TMEM163: variants seen among roughly 807,000 people sequenced by gnomAD.
TMEM163 encodes the protein transmembrane protein 163.
TMEM163 carries 17 observed loss-of-function variants against 29.3 expected under a neutral mutation model. That is an observed-to-expected ratio of 0.58 (90% CI 0.40 to 0.87). The LOEUF is 0.87. Ranked by LOEUF, TMEM163 falls within the 40% of genes least tolerant of loss-of-function variation. The probability of loss-of-function intolerance (pLI) is 0.00; values close to 1 mark genes in which losing one functional copy is unlikely to be tolerated. For synonymous variants in TMEM163, 157 were observed against 160.6 expected (o/e 0.98, Z 0.17); for missense variants, 303 against 381.5 (o/e 0.79, Z 1.71).
chr2:134,634,015 ATATAT>A (rs1683046512), intron 2 of TMEM163, among the ~76,000 whole-genome samples: 9 of 33,158 alleles, frequency 2.7e-4, no homozygotes, highest in African/African-American at 8.3e-4. Flanking sequence ...ATATATATAT[ATATAT>A]AATAGGACTG....
At chr2:134,493,786 T>C (rs1415976641) in intron 5 of TMEM163, among the ~76,000 whole-genome samples, 1 of 152,222 alleles carries the variant, frequency 6.6e-6, no homozygotes, top group African/African-American at 2.4e-5. Flanking sequence ...TTATGATCCA[T>C]TTTGAGTTAG....
chr2:134,579,367 A>C (rs1002466093), intron 2 of TMEM163, among the ~76,000 whole-genome samples: 3 of 152,234 alleles, frequency 2.0e-5, no homozygotes, highest in Non-Finnish European at 2.9e-5. Context: ...ATCCATCTAC[A>C]AGTATAACTC....
chr2:134,482,886 C>T (rs558929498), intron 5 of TMEM163, among the ~76,000 whole-genome samples: 2 of 152,250 alleles, frequency 1.3e-5, no homozygotes, highest in South Asian at 4.2e-4. Context: ...ACATCAGGTT[C>T]GTCGGTGGGC....
intron 2 of TMEM163, among the ~76,000 whole-genome samples, chr2:134,610,360 C>T (rs1682475911): frequency 1.3e-5 from 2 of 152,208 alleles, no homozygotes; most frequent in South Asian, 4.1e-4. Flanking sequence ...CCAAGCTCTC[C>T]CTGGAACTCA....
At chr2:134,541,231 G>A (rs1680659161) in intron 4 of TMEM163, among the ~76,000 whole-genome samples, 3 of 152,236 alleles carry the variant, frequency 2.0e-5, no homozygotes, top group Admixed American at 2.0e-4. Flanking sequence ...CAAAAGAAAT[G>A]CAAATGCTCC....
intron 3 of TMEM163, 100 bp from the exon 4 acceptor site, chr2:134,550,761 A>G: frequency 8.7e-7 from 1 of 1,154,096 alleles, no homozygotes; most frequent in East Asian, 2.4e-5. Flanking sequence ...CATCTGCATG[A>G]GTAAACTCTG....
At chr2:134,664,437 G>A (rs2104861362) in intron 2 of TMEM163, among the ~76,000 whole-genome samples, 1 of 152,324 alleles carries the variant, frequency 6.6e-6, no homozygotes, top group East Asian at 1.9e-4. Flanking sequence ...GGGTATGAAA[G>A]CCTGAATAAT....
intron 1 of TMEM163, among the ~76,000 whole-genome samples, chr2:134,717,971 A>C (rs1685070541): frequency 6.6e-6 from 1 of 152,196 alleles, no homozygotes; most frequent in Non-Finnish European, 1.5e-5. Context: ...GTCTCCCAGC[A>C]GAGGCAAGTG....
At chr2:134,515,149 A>T (rs1680031514) in intron 4 of TMEM163, among the ~76,000 whole-genome samples, 1 of 152,248 alleles carries the variant, frequency 6.6e-6, no homozygotes, top group Non-Finnish European at 1.5e-5. Flanking sequence ...GAATGATAAC[A>T]GATGAGTCAT....
chr2:134,643,662 G>A (rs1683267860), intron 2 of TMEM163, among the ~76,000 whole-genome samples: 1 of 147,578 alleles, frequency 6.8e-6, no homozygotes, highest in Non-Finnish European at 1.5e-5. Flanking sequence ...ATTCATTCAT[G>A]TTAAAAAAAA....
intron 4 of TMEM163, among the ~76,000 whole-genome samples, chr2:134,513,079 T>G (rs1289783978): frequency 1.3e-5 from 2 of 152,220 alleles, no homozygotes; most frequent in Non-Finnish European, 2.9e-5. Flanking sequence ...TTTTGGTCTG[T>G]TCAGGGATAT....
At chr2:134,590,533 G>A (rs1415737803) in intron 2 of TMEM163, among the ~76,000 whole-genome samples, 1 of 152,146 alleles carries the variant, frequency 6.6e-6, no homozygotes, top group Non-Finnish European at 1.5e-5. Context: ...CCCCAAGAGA[G>A]GGTTCTTGGA....
intron 4 of TMEM163, among the ~76,000 whole-genome samples, chr2:134,534,923 A>G (rs182641568): frequency 6.6e-6 from 1 of 152,262 alleles, no homozygotes; most frequent in East Asian, 1.9e-4. Context: ...CAGCTAACAA[A>G]GTACCTTGCT....
Position 134,460,598 on chromosome 2 carries a change from T to C in TMEM163, c.668-2425A>G, listed in dbSNP as rs1686513604. Among the ~76,000 whole-genome samples, 1 of 152,158 alleles carries C rather than the reference T, an allele frequency of 6.6e-6. No individual in the cohort carries two copies. The highest frequency in any genetic ancestry group is 2.1e-4 in the South Asian group (1 of 4,830). Reference sequence around the variant, plus strand: ...TAGGCAGGCAGGCATGGGCCCAGCCTGAGCGCCACCCCTGCCTGGCTCCCG... The same window carrying C: ...TAGGCAGGCAGGCATGGGCCCAGCCCGAGCGCCACCCCTGCCTGGCTCCCG... On this transcript the variant is annotated intron_variant, in intron 6 of 7. Transcript: ENST00000281924. This position sits in a 1 kb window ranked among gnomAD's most constrained non-coding sequence, Gnocchi z 4.3.
chr2:134,487,933 T>A (rs1679347402), intron 5 of TMEM163, among the ~76,000 whole-genome samples: 1 of 152,006 alleles, frequency 6.6e-6, no homozygotes, highest in Non-Finnish European at 1.5e-5. Context: ...CTTCATGGCA[T>A]CAGGGCAATA....
chr2:134,613,331 C>T (rs1438680254), intron 2 of TMEM163, among the ~76,000 whole-genome samples: 1 of 152,080 alleles, frequency 6.6e-6, no homozygotes, highest in Non-Finnish European at 1.5e-5. Context: ...GTAAAAGATA[C>T]CCCCAAAACT....
intron 2 of TMEM163, among the ~76,000 whole-genome samples, chr2:134,585,741 C>CAG (rs1681809083): frequency 7.1e-6 from 1 of 141,734 alleles, no homozygotes; most frequent in East Asian, 2.1e-4. Context: ...GACTCCGTCT[C>CAG]AAAAAAAAAA....
At chr2:134,533,507 T>C (rs544427929) in intron 4 of TMEM163, among the ~76,000 whole-genome samples, 2 of 152,330 alleles carry the variant, frequency 1.3e-5, no homozygotes, top group South Asian at 4.1e-4. Context: ...TTAACATTCA[T>C]ATTAATTGAA....
At chr2:134,545,175 T>G (rs1004176182) in intron 4 of TMEM163, among the ~76,000 whole-genome samples, 1 of 152,148 alleles carries the variant, frequency 6.6e-6, no homozygotes, top group Non-Finnish European at 1.5e-5. Context: ...TAGTGCTTCA[T>G]TCTTTAGAGT....
Sources: allele counts gnomAD v4.1 joint callset (sites outside exome capture counted in the v4.1 genomes callset), GRCh38; gene constraint gnomAD v4.1.1; non-coding constraint Gnocchi (gnomAD v3.1); transcripts MANE v1.5; gene names NCBI Gene and HGNC (gene_info 2026-07-23, HGNC 2026-07-21).